Variants in ERVV-2 observed in about 807,000 individuals in gnomAD.
ERVV-2 encodes endogenous retrovirus group V member 2 Env polyprotein.
For synonymous variants in ERVV-2, 105 were observed against 184.6 expected (o/e 0.57, Z 3.49); for missense variants, 291 against 495.1 (o/e 0.59, Z 3.91).
In ERVV-2 at chr19:53,051,392, C is replaced by T. The variant is rs1281231621; in HGVS notation, c.*533C>T. Among the ~76,000 whole-genome samples the T allele has an allele frequency of 6.6e-6, 1 of 151,938 alleles. No homozygotes were observed. The highest frequency in any genetic ancestry group is 1.5e-5 in the Non-Finnish European group (1 of 67,990). On this transcript the variant is annotated 3_prime_UTR_variant, in exon 2 of 2. Transcript: ENST00000601417. Reference sequence around the variant, plus strand: ...AACTCCTGACTTCAGGTGATTCGCTCGCCTCGGCCTCCTAAAGTGCTGGGA... The same window carrying T: ...AACTCCTGACTTCAGGTGATTCGCTTGCCTCGGCCTCCTAAAGTGCTGGGA...
In ERVV-2 at chr19:53,050,829, C is replaced by T; in HGVS notation, c.1578C>T (p.Phe526=). Residue 526 remains phenylalanine, a synonymous_variant, in exon 2 of 2, where the codon TTC becomes TTT. Coordinates refer to ENST00000601417, the MANE Select transcript of ERVV-2 (RefSeq NM_001191055.2). The part of the protein sequence containing the change: ...ISPLDASGQR[F]RETMEEFSL Reference sequence around the variant, plus strand: ...CCTTGGATGCCAGTGGGCAAAGATTCCGGGAAACTATGGAGGAATTTTCTC... The same window carrying T: ...CCTTGGATGCCAGTGGGCAAAGATTTCGGGAAACTATGGAGGAATTTTCTC... 6.5e-7 allele frequency: 1 copy of T among 1,533,850 alleles called. No homozygotes were observed.
intron 1 of ERVV-2, among the ~76,000 whole-genome samples, chr19:53,047,003 T>C (rs1320602503): frequency 6.6e-6 from 1 of 151,964 alleles, no homozygotes; most frequent in Non-Finnish European, 1.5e-5. Flanking sequence ...CTGTCTCTAC[T>C]AAAAAATTAG....
rs184324832 is a variant in ERVV-2, at chr19:53,050,833, G to C, written c.1582G>C (p.Glu528Gln). ...PLDASGQRFR[E>Q]TMEEFSL The stretch of plus-strand genomic sequence containing the variant: ...GGATGCCAGTGGGCAAAGATTCCGG[G>C]AAACTATGGAGGAATTTTCTCTCTG... The change falls in exon 2 of 2, where the codon GAA (glutamate) becomes CAA (glutamine). Residue 528 changes from glutamate to glutamine, a missense_variant. Transcript: ENST00000601417. The C allele has an allele frequency of 3.6e-4, 552 of 1,533,432 alleles. No individual in the cohort carries two copies. The highest frequency in any genetic ancestry group is 4.7e-4 in the Non-Finnish European group (534 of 1,145,908). 95.0% of individuals were successfully genotyped at this position (1,533,432 alleles called of 1,614,324 possible).
rs991591186 is a variant in ERVV-2, at chr19:53,051,658, A to C, written c.*799A>C. Among the ~76,000 whole-genome samples the C allele has an allele frequency of 6.6e-6, 1 of 152,282 alleles. No homozygotes were observed. The highest frequency in any genetic ancestry group is 1.9e-4 in the East Asian group (1 of 5,174). On this transcript the variant is annotated 3_prime_UTR_variant, in exon 2 of 2. Transcript: ENST00000601417. ...TTCTTCTGATGTCCTCTCTTTTTAA[A>C]TAAAGCTTACTTAACCCTTTAACTC...
In ERVV-2 at chr19:53,051,651, T is replaced by G. The variant is rs1345413339; in HGVS notation, c.*792T>G. 6.6e-6 allele frequency among the ~76,000 whole-genome samples: 1 copy of G among 152,176 alleles called. No homozygotes were observed. The highest frequency in any genetic ancestry group is 1.5e-5 in the Non-Finnish European group (1 of 68,028). Reference sequence around the variant, plus strand: ...TGGCTCATTCTTCTGATGTCCTCTCTTTTTAAATAAAGCTTACTTAACCCT... The same window carrying G: ...TGGCTCATTCTTCTGATGTCCTCTCGTTTTAAATAAAGCTTACTTAACCCT... On this transcript the variant is annotated 3_prime_UTR_variant, in exon 2 of 2. Coordinates refer to ENST00000601417, the MANE Select transcript of ERVV-2 (RefSeq NM_001191055.2).
Position 53,051,664 on chromosome 19 carries a change from C to A in ERVV-2, c.*805C>A, listed in dbSNP as rs12975258. 1.8e-3 allele frequency among the ~76,000 whole-genome samples: 276 copies of A among 152,162 alleles called. 1 individual carries two copies. The highest frequency in any genetic ancestry group is 6.1e-3 in the African/African-American group (252 of 41,522). On this transcript the variant is annotated 3_prime_UTR_variant, in exon 2 of 2. Coordinates refer to ENST00000601417, the MANE Select transcript of ERVV-2 (RefSeq NM_001191055.2). ...TGATGTCCTCTCTTTTTAAATAAAGCTTACTTAACCCTTTAACTCTTTCTG... is the reference window on the plus strand; with the variant it reads ...TGATGTCCTCTCTTTTTAAATAAAGATTACTTAACCCTTTAACTCTTTCTG...
rs2083914678 is a variant in ERVV-2 at position 53,051,628 on chromosome 19, G to T, written c.*769G>T. On this transcript the variant is annotated 3_prime_UTR_variant, in exon 2 of 2. Coordinates refer to ENST00000601417, the MANE Select transcript of ERVV-2 (RefSeq NM_001191055.2). ...ATAAAAACTAAGGCACTAGCAGCTG[G>T]CTCATTCTTCTGATGTCCTCTCTTT... Among the ~76,000 whole-genome samples the T allele has an allele frequency of 6.6e-6, 1 of 152,066 alleles. No individual in the cohort carries two copies. Among genetic ancestry groups the T allele is most frequent in the Non-Finnish European group, 1.5e-5 (1 of 68,026 alleles).
rs1404274334 is a variant in ERVV-2 at position 53,051,389 on chromosome 19, G to A, written c.*530G>A. On this transcript the variant is annotated 3_prime_UTR_variant, in exon 2 of 2. Transcript: ENST00000601417. Reference sequence around the variant, plus strand: ...TCAAACTCCTGACTTCAGGTGATTCGCTCGCCTCGGCCTCCTAAAGTGCTG... The same window carrying A: ...TCAAACTCCTGACTTCAGGTGATTCACTCGCCTCGGCCTCCTAAAGTGCTG... Among the ~76,000 whole-genome samples the A allele has an allele frequency of 2.6e-5, 4 of 151,816 alleles. No homozygotes were observed. Among genetic ancestry groups the A allele is most frequent in the African/African-American group, 2.4e-5 (1 of 41,298 alleles).
intron 1 of ERVV-2, among the ~76,000 whole-genome samples, chr19:53,046,957 G>A (rs2083893586): frequency 6.6e-6 from 1 of 152,084 alleles, no homozygotes; most frequent in Admixed American, 6.6e-5. Context: ...CACGAGGTCG[G>A]GAGTTTGAGA....
rs529196349 is a variant in ERVV-2 at position 53,047,888 on chromosome 19, A to G, written c.-385-979A>G. 4.5e-4 allele frequency among the ~76,000 whole-genome samples: 69 copies of G among 152,316 alleles called. No individual in the cohort carries two copies. The South Asian group carries it at 9.5e-3, about 21-fold the overall frequency. ...TTTCCTTTGCAATATAGTTTGGTCAAAGGTGGGGAGCTTAAATGTTAATAC... is the reference window on the plus strand; with the variant it reads ...TTTCCTTTGCAATATAGTTTGGTCAGAGGTGGGGAGCTTAAATGTTAATAC... On this transcript the variant is annotated intron_variant, in intron 1 of 1. Coordinates refer to ENST00000601417, the MANE Select transcript of ERVV-2 (RefSeq NM_001191055.2).
At chr19:53,046,778 G>T (rs1048824151) in intron 1 of ERVV-2, among the ~76,000 whole-genome samples, 21 of 152,182 alleles carry the variant, frequency 1.4e-4, no homozygotes, top group South Asian at 4.1e-4. Flanking sequence ...TAGGCTGGGC[G>T]CATTGGCTCA....
At position 53,049,257 on chromosome 19, in the gene ERVV-2, A is replaced by G. The variant is rs2083902542; in HGVS notation, c.6A>G (p.Thr2=). 1.3e-6 allele frequency: 1 copy of G among 777,708 alleles called. No homozygotes were observed. Among genetic ancestry groups the G allele is most frequent in the Non-Finnish European group, 2.0e-6 (1 of 490,026 alleles). The allele number at this position is 777,708 out of a possible 1,614,324, so 48.2% of individuals were successfully genotyped here. Residue 2 remains threonine (T), a synonymous_variant, in exon 2 of 2, where the codon ACA becomes ACG. Coordinates refer to ENST00000601417, the MANE Select transcript of ERVV-2 (RefSeq NM_001191055.2). ...AGCTTAAGGGAGAATCAGCTATGAC[A>G]GAGAAATTCCTTTTCCTTTATCTTT... M[T]EKFLFLYLSL... is the part of the protein sequence containing the mutation.
Position 53,050,898 on chromosome 19 carries a change from C to T in ERVV-2, c.*39C>T. 6.8e-7 allele frequency: 1 copy of T among 1,460,996 alleles called. No homozygotes were observed. The highest frequency in any genetic ancestry group is 1.4e-5 in the South Asian group (1 of 70,936). The allele number at this position is 1,460,996 out of a possible 1,614,324, so 90.5% of individuals were successfully genotyped here. On this transcript the variant is annotated 3_prime_UTR_variant, in exon 2 of 2. Transcript: ENST00000601417. ...AGGGAGACCCTGATGACTTCTTCGCCCCATGTCAGCAGGAAGTAGTTACAG... is the reference window on the plus strand; with the variant it reads ...AGGGAGACCCTGATGACTTCTTCGCTCCATGTCAGCAGGAAGTAGTTACAG...
chr19:53,050,976 G>A lies in ERVV-2; in HGVS notation c.*117G>A, dbSNP rs543009146. ...GCTTTTCAGGGTCTCCATCTCTTGA[G>A]GAGGGAAATATTAGGGTAGGCAGGT... On this transcript the variant is annotated 3_prime_UTR_variant, in exon 2 of 2. Transcript: ENST00000601417. The A allele has an allele frequency of 5.0e-5, 51 of 1,027,818 alleles. No homozygotes were observed. Among genetic ancestry groups the A allele is most frequent in the Non-Finnish European group, 6.6e-5 (48 of 731,446 alleles). 63.7% of individuals were successfully genotyped at this position (1,027,818 alleles called of 1,614,324 possible). A position where few individuals can be genotyped will look rare whatever the true frequency, so the allele number is the denominator to read the frequency against.
At chr19:53,046,490 G>A (rs939032624) in intron 1 of ERVV-2, among the ~76,000 whole-genome samples, 6 of 152,252 alleles carry the variant, frequency 3.9e-5, no homozygotes, top group South Asian at 2.1e-4. Context: ...TAACAGACCC[G>A]TGAAGTACTC....
chr19:53,051,446 ACTCAGAACG>A lies in ERVV-2; in HGVS notation c.*590_*598del, dbSNP rs2083914083. ...TAGACGTGAGCCACTGCGCCTGGCT[ACTCAGAACG>A]CTTCTGAATGGCACATTCATGAAAA... On this transcript the variant is annotated 3_prime_UTR_variant, in exon 2 of 2. Coordinates refer to ENST00000601417, the MANE Select transcript of ERVV-2 (RefSeq NM_001191055.2). 6.6e-6 allele frequency among the ~76,000 whole-genome samples: 1 copy of A among 151,954 alleles called. No individual in the cohort carries two copies. Among genetic ancestry groups the A allele is most frequent in the Non-Finnish European group, 1.5e-5 (1 of 68,000 alleles).
rs1450400418 is a variant in ERVV-2, at chr19:53,050,913, A to G, written c.*54A>G. On this transcript the variant is annotated 3_prime_UTR_variant, in exon 2 of 2. Coordinates refer to ENST00000601417, the MANE Select transcript of ERVV-2 (RefSeq NM_001191055.2). ...ACTTCTTCGCCCCATGTCAGCAGGAAGTAGTTACAGAAGACCCACGACGTC... is the reference window on the plus strand; with the variant it reads ...ACTTCTTCGCCCCATGTCAGCAGGAGGTAGTTACAGAAGACCCACGACGTC... 2 of 1,442,904 alleles carry G rather than the reference A, an allele frequency of 1.4e-6. No individual in the cohort carries two copies. The highest frequency in any genetic ancestry group is 1.8e-6 in the Non-Finnish European group (2 of 1,099,100). The allele number at this position is 1,442,904 out of a possible 1,614,324, so 89.4% of individuals were successfully genotyped here. A position where few individuals can be genotyped will look rare whatever the true frequency, so the allele number is the denominator to read the frequency against.
Position 53,050,863 on chromosome 19 carries a change from A to G in ERVV-2, c.*4A>G. ...TATGGAGGAATTTTCTCTCTGAGAC[A>G]GAGCAAGAGAGGGAGACCCTGATGA... On this transcript the variant is annotated 3_prime_UTR_variant, in exon 2 of 2. Coordinates refer to ENST00000601417, the MANE Select transcript of ERVV-2 (RefSeq NM_001191055.2). 1 of 1,512,924 alleles carries G rather than the reference A, an allele frequency of 6.6e-7. No homozygotes were observed. Among genetic ancestry groups the G allele is most frequent in the African/African-American group, 1.4e-5 (1 of 72,204 alleles). 93.7% of individuals were successfully genotyped at this position (1,512,924 alleles called of 1,614,324 possible). A position where few individuals can be genotyped will look rare whatever the true frequency, so the allele number is the denominator to read the frequency against.
chr19:53,051,284 C>T lies in ERVV-2; in HGVS notation c.*425C>T, dbSNP rs1250413888. 2.0e-5 allele frequency among the ~76,000 whole-genome samples: 3 copies of T among 151,798 alleles called. No individual in the cohort carries two copies. The highest frequency in any genetic ancestry group is 2.1e-4 in the South Asian group (1 of 4,818). ...GTTTCAGCCTCCTCAGTAGCTGGGA[C>T]TACAGGCATGTGCCGCCATGCCCGG... On this transcript the variant is annotated 3_prime_UTR_variant, in exon 2 of 2. Coordinates refer to ENST00000601417, the MANE Select transcript of ERVV-2 (RefSeq NM_001191055.2).
Sources: gnomAD v4.1 joint callset for allele counts (sites outside exome capture counted in the v4.1 genomes callset) on GRCh38, gnomAD v4.1.1 for gene constraint, MANE v1.5 for transcripts, NCBI Gene and HGNC (gene_info 2026-07-23, HGNC 2026-07-21) for gene names.